DNA2: variants seen among roughly 807,000 people sequenced by gnomAD.
DNA2 encodes the protein DNA replication helicase/nuclease 2.
In DNA2, 101 loss-of-function variants were observed where a neutral mutation model predicts 119.1. The ratio of observed to expected loss-of-function variants is 0.85; its 90% CI spans 0.72 to 1.00. The LOEUF is 1.00. Among genes scored for constraint, DNA2 ranks in the 50% least tolerant of loss-of-function variants. DNA2 has a pLI of 0.00. For missense variants in DNA2, 1,121 were observed against 1,255.5 expected, an observed-to-expected ratio of 0.89 and a Z score of 1.62; for synonymous variants, 366 against 424.4, an observed-to-expected ratio of 0.86 and a Z score of 1.69.
chr10:68,438,461 G>C (rs1031156069), intron 9 of DNA2, among the ~76,000 whole-genome samples: 27 of 150,390 alleles, frequency 1.8e-4, no homozygotes, highest in Non-Finnish European at 3.1e-4. Flanking sequence ...AGAGGTTGCG[G>C]TGAGCCAAGA....
At chr10:68,465,858 C>A in intron 3 of DNA2, 46 bp from the exon 4 acceptor site, 1 of 1,412,758 alleles carries the variant, frequency 7.1e-7, no homozygotes, top group Non-Finnish European at 9.3e-7. Context: ...TATTAACAGA[C>A]ACAATTGTAT....
chr10:68,416,501 T>A (rs1192093235), intron 20 of DNA2: 1 of 481,810 alleles, frequency 2.1e-6, no homozygotes, highest in Non-Finnish European at 3.8e-6. Flanking sequence ...TCTAATCATT[T>A]GTTCTGGATT....
chr10:68,431,545 A>G (rs924119586), intron 13 of DNA2, among the ~76,000 whole-genome samples: 5 of 152,136 alleles, frequency 3.3e-5, no homozygotes, highest in Non-Finnish European at 7.4e-5. Context: ...TTGGCCTCCT[A>G]AAGTGCTGGG....
intron 19 of DNA2, among the ~76,000 whole-genome samples, chr10:68,418,263 A>T (rs755161253): frequency 6.6e-6 from 1 of 152,038 alleles, no homozygotes; most frequent in African/African-American, 2.4e-5. Flanking sequence ...AAGTACAAAA[A>T]TTAGCCGGGC....
intron 9 of DNA2, among the ~76,000 whole-genome samples, chr10:68,441,991 G>A (rs1337125132): frequency 1.3e-5 from 2 of 151,560 alleles, no homozygotes; most frequent in South Asian, 2.1e-4. Context: ...GCAGTGGTGT[G>A]ATCTCAGCTC....
chr10:68,470,680 G>A (rs1339023170), intron 1 of DNA2: 3 of 407,226 alleles, frequency 7.4e-6, no homozygotes, highest in Non-Finnish European at 1.4e-5. Flanking sequence ...TACCACTGGT[G>A]CAAGCCTTCC....
intron 14 of DNA2, among the ~76,000 whole-genome samples, chr10:68,427,162 A>C (rs929623311): frequency 1.3e-5 from 2 of 151,832 alleles, no homozygotes; most frequent in African/African-American, 4.8e-5. Flanking sequence ...TGAGGTCAAG[A>C]GTTCGAGACT....
chr10:68,419,087 T>C lies in DNA2; in HGVS notation c.2914A>G (p.Arg972Gly), dbSNP rs1301590232. ...GATACTAGGACAATACTTTTGTCCC[T>C]TCCTTGGTATTTGTCTACTGTATTA... Reference protein sequence around the residue: ...EVNTVDKYQGRDKSIVLVSFV... With the variant: ...EVNTVDKYQGGDKSIVLVSFV... The change falls in exon 19 of 21, where the codon AGG becomes GGG. Residue 972 changes from arginine to glycine, a missense_variant. Coordinates refer to ENST00000358410, the MANE Select transcript of DNA2 (RefSeq NM_001080449.3). 3.1e-6 allele frequency: 5 copies of C among 1,612,454 alleles called. No homozygotes were observed. The highest frequency in any genetic ancestry group is 1.3e-5 in the African/African-American group (1 of 74,828).
chr10:68,437,058 T>C lies in DNA2; in HGVS notation c.1599A>G (p.Gly533=), dbSNP rs760514766. The change falls in exon 10 of 21, where the codon GGA becomes GGG. Residue 533 remains glycine, a synonymous_variant. Coordinates refer to ENST00000358410, the MANE Select transcript of DNA2 (RefSeq NM_001080449.3). ...TTGTCATGTTAATCTCCTTCACATA[T>C]CCTCTAGACAAAGCAAACAGTGACC... ...EERSLFALSR[G]YVKEINMTTV... is the part of the protein sequence containing the mutation. The C allele has an allele frequency of 6.2e-7, 1 of 1,613,338 alleles. No homozygotes were observed. The highest frequency in any genetic ancestry group is 2.2e-5 in the East Asian group (1 of 44,864).
intron 3 of DNA2, among the ~76,000 whole-genome samples, chr10:68,467,323 C>G (rs2052338832): frequency 6.6e-6 from 1 of 151,838 alleles, no homozygotes; most frequent in Non-Finnish European, 1.5e-5. Context: ...GTTGGTCAGG[C>G]TGGTCTTGAA....
chr10:68,431,114 G>T (rs1590054300), intron 13 of DNA2, among the ~76,000 whole-genome samples: 1 of 151,294 alleles, frequency 6.6e-6, no homozygotes, highest in Admixed American at 6.6e-5. Context: ...ATTCCAACCT[G>T]GTCTCAAATA....
intron 9 of DNA2, among the ~76,000 whole-genome samples, chr10:68,438,054 G>A (rs1031882746): frequency 1.3e-5 from 2 of 152,118 alleles, no homozygotes; most frequent in Admixed American, 1.3e-4. Context: ...AGTCTTGCAA[G>A]AAAGTGCTAG....
chr10:68,428,579 C>T (rs2051774067), intron 14 of DNA2, among the ~76,000 whole-genome samples: 1 of 152,184 alleles, frequency 6.6e-6, no homozygotes, highest in Non-Finnish European at 1.5e-5. Context: ...TCCAGATTTT[C>T]AGAGGGTGAA....
Position 68,471,924 on chromosome 10 carries a change from G to C in DNA2, c.-60C>G, listed in dbSNP as rs749265245. 1 of 1,613,728 alleles carries C rather than the reference G, an allele frequency of 6.2e-7. No homozygotes were observed. The highest frequency in any genetic ancestry group is 8.5e-7 in the Non-Finnish European group (1 of 1,179,666). ...AGACAGCGGAACCGGGGGTAACACA[G>C]AAAGCTTAGAAAAGGGAAAAAGGCG... On this transcript the variant is annotated 5_prime_UTR_variant, in exon 1 of 21. Transcript: ENST00000358410.
intron 10 of DNA2, among the ~76,000 whole-genome samples, chr10:68,434,377 G>C (rs183748918): frequency 2.6e-5 from 4 of 152,244 alleles, no homozygotes; most frequent in African/African-American, 7.2e-5. Flanking sequence ...GCTGGGTGTA[G>C]TAGCTCATGC....
chr10:68,470,579 A>C (rs10823209), intron 1 of DNA2: 57,136 of 453,350 alleles, frequency 0.13, 3,902 homozygotes, highest in East Asian at 0.25. Flanking sequence ...ATGCTACTGC[A>C]CCCCTTCCTG....
At chr10:68,460,083 T>A (rs1328790788) in intron 4 of DNA2, among the ~76,000 whole-genome samples, 2 of 149,396 alleles carry the variant, frequency 1.3e-5, no homozygotes. Flanking sequence ...ATGGTAATTT[T>A]TTTTCTTCTT....
chr10:68,438,886 A>T (rs1479102758), intron 9 of DNA2, among the ~76,000 whole-genome samples: 1 of 151,840 alleles, frequency 6.6e-6, no homozygotes, highest in Non-Finnish European at 1.5e-5. Flanking sequence ...ATACAAAATT[A>T]GCCAGGCATG....
intron 14 of DNA2, among the ~76,000 whole-genome samples, chr10:68,425,306 G>A (rs1297211751): frequency 9.9e-5 from 15 of 151,612 alleles, no homozygotes; most frequent in Non-Finnish European, 1.8e-4. Context: ...ATGTTGGCCA[G>A]GCTGGTCTCG....
Sources: allele counts gnomAD v4.1 joint callset (sites outside exome capture counted in the v4.1 genomes callset), GRCh38; gene constraint gnomAD v4.1.1; transcripts MANE v1.5; gene names NCBI Gene and HGNC (gene_info 2026-07-23, HGNC 2026-07-21).